The following CSNK1G1 variants were observed in gnomAD, a reference collection of about 807,000 sequenced individuals.
The protein encoded by CSNK1G1 is casein kinase I isoform gamma-1.
CSNK1G1 carries 22 observed loss-of-function variants against 59.6 expected under a neutral mutation model. The ratio of observed to expected loss-of-function variants is 0.37; its 90% confidence interval spans 0.26 to 0.53. CSNK1G1 has a LOEUF of 0.53. Ranked by LOEUF, CSNK1G1 falls within the 20% of genes least tolerant of loss-of-function variation. CSNK1G1 has a pLI of 0.89. For missense variants in CSNK1G1, 384 were observed against 519.5 expected, an observed-to-expected ratio of 0.74 and a Z score of 2.54; for synonymous variants, 179 against 177.1, an observed-to-expected ratio of 1.01 and a Z score of -0.08.
intron 4 of CSNK1G1, among the ~76,000 whole-genome samples, chr15:64,247,609 T>C (rs1010268007): frequency 2.0e-5 from 3 of 152,086 alleles, no homozygotes; most frequent in African/African-American, 7.2e-5. Context: ...GCAGAGACAA[T>C]GTGGAAGACC....
intron 1 of CSNK1G1, among the ~76,000 whole-genome samples, chr15:64,339,651 T>A (rs1174115677): frequency 6.6e-6 from 1 of 152,158 alleles, no homozygotes. Context: ...CAATACATGC[T>A]AACATTTTAG....
intron 7 of CSNK1G1, among the ~76,000 whole-genome samples, chr15:64,206,337 G>T (rs2082179968): frequency 6.6e-6 from 1 of 152,162 alleles, no homozygotes; most frequent in African/African-American, 2.4e-5. Context: ...CTACTCAGGA[G>T]GCTGAGGCAG....
intron 10 of CSNK1G1, among the ~76,000 whole-genome samples, chr15:64,183,744 T>TC: frequency 6.6e-6 from 1 of 151,924 alleles, no homozygotes; most frequent in East Asian, 1.9e-4. Context: ...TTTTCTTTTT[T>TC]TTTTTTTTGG....
intron 2 of CSNK1G1, among the ~76,000 whole-genome samples, chr15:64,276,868 A>C (rs916678329): frequency 6.6e-6 from 1 of 150,930 alleles, no homozygotes; most frequent in East Asian, 1.9e-4. Flanking sequence ...AATGGTGTGA[A>C]CCCGGGAGGC....
At chr15:64,305,893 T>C (rs551813883) in intron 1 of CSNK1G1, among the ~76,000 whole-genome samples, 1 of 152,030 alleles carries the variant, frequency 6.6e-6, no homozygotes, top group South Asian at 2.1e-4. Flanking sequence ...GGAGAAAGGA[T>C]AGTCTTTTTA....
intron 2 of CSNK1G1, among the ~76,000 whole-genome samples, chr15:64,286,473 CA>C (rs536512176): frequency 0.025 from 3,713 of 151,484 alleles, 63 homozygotes; most frequent in Middle Eastern, 0.065. Context: ...GTCCTTTAAT[CA>C]AAAAACACTT....
chr15:64,348,539 T>G (rs1898098789), intron 1 of CSNK1G1, among the ~76,000 whole-genome samples: 1 of 152,150 alleles, frequency 6.6e-6, no homozygotes, highest in Non-Finnish European at 1.5e-5. Flanking sequence ...ATATTGCCAC[T>G]GTAGACTACA....
intron 4 of CSNK1G1, among the ~76,000 whole-genome samples, chr15:64,238,666 G>A (rs2082653159): frequency 6.6e-6 from 1 of 151,290 alleles, no homozygotes; most frequent in Non-Finnish European, 1.5e-5. Flanking sequence ...CTATTAGACT[G>A]AGCCCTACTG....
chr15:64,257,066 T>G (rs796633078), intron 3 of CSNK1G1, among the ~76,000 whole-genome samples: 10 of 152,012 alleles, frequency 6.6e-5, no homozygotes, highest in African/African-American at 2.4e-4. Flanking sequence ...AATGAAAGCC[T>G]GTAGACAAAA....
At chr15:64,321,853 A>G (rs891945777) in intron 1 of CSNK1G1, among the ~76,000 whole-genome samples, 6 of 152,220 alleles carry the variant, frequency 3.9e-5, no homozygotes, top group Non-Finnish European at 7.3e-5. Flanking sequence ...GGAGGGAGTT[A>G]CAGTTATGAT....
At chr15:64,185,004 T>A (rs1370510746) in intron 10 of CSNK1G1, among the ~76,000 whole-genome samples, 2 of 152,248 alleles carry the variant, frequency 1.3e-5, no homozygotes, top group African/African-American at 4.8e-5. Flanking sequence ...TCCTGAACAT[T>A]TCTAAAAGCT....
intron 4 of CSNK1G1, among the ~76,000 whole-genome samples, chr15:64,240,425 A>G (rs1306368431): frequency 1.3e-5 from 2 of 152,222 alleles, no homozygotes; most frequent in African/African-American, 2.4e-5. Context: ...AGATATGAAC[A>G]TCCAGGTCCA....
At chr15:64,255,021 C>T (rs947870433) in intron 3 of CSNK1G1, among the ~76,000 whole-genome samples, 2 of 152,142 alleles carry the variant, frequency 1.3e-5, no homozygotes, top group Admixed American at 6.6e-5. Context: ...TCCAGTTTTT[C>T]TGGCATCATT....
At chr15:64,218,514 T>A (rs2082341825) in intron 4 of CSNK1G1, among the ~76,000 whole-genome samples, 1 of 151,870 alleles carries the variant, frequency 6.6e-6, no homozygotes, top group African/African-American at 2.4e-5. Flanking sequence ...CGCCTCAGCC[T>A]CCCAAGTAGC....
At chr15:64,334,998 A>G (rs1350637617) in intron 1 of CSNK1G1, among the ~76,000 whole-genome samples, 2 of 152,178 alleles carry the variant, frequency 1.3e-5, no homozygotes, top group African/African-American at 4.8e-5. Flanking sequence ...GGTTTCCCTA[A>G]TAACTCCAGA....
Position 64,323,453 on chromosome 15 carries a change from C to T in CSNK1G1, c.-224-22730G>A, listed in dbSNP as rs191973803. Among the ~76,000 whole-genome samples, 9 of 152,028 alleles carry T rather than the reference C, an allele frequency of 5.9e-5. No individual in the cohort carries two copies. In the East Asian group the frequency reaches 1.5e-3, roughly 26 times the overall value. ...CAATCTCGGCTCACTGCAACCTCTG[C>T]CTCCTGGGTACAAGCGATTCTCCTG... On this transcript the variant is annotated intron_variant, in intron 1 of 11. Coordinates refer to ENST00000303052, the MANE Select transcript of CSNK1G1 (RefSeq NM_022048.5).
intron 3 of CSNK1G1, among the ~76,000 whole-genome samples, chr15:64,256,207 A>G (rs1298818252): frequency 6.6e-6 from 1 of 152,254 alleles, no homozygotes; most frequent in Non-Finnish European, 1.5e-5. Context: ...TCAAAACACT[A>G]GAAAAGGGAC....
At chr15:64,275,391 A>C (rs191263958) in intron 2 of CSNK1G1, among the ~76,000 whole-genome samples, 1 of 152,190 alleles carries the variant, frequency 6.6e-6, no homozygotes, top group Admixed American at 6.5e-5. Flanking sequence ...AACGATAGCA[A>C]TACAACTCTA....
At chr15:64,221,643 T>G (rs774503951) in intron 4 of CSNK1G1, among the ~76,000 whole-genome samples, 3 of 151,700 alleles carry the variant, frequency 2.0e-5, no homozygotes, top group African/African-American at 4.8e-5. Context: ...TAGTATTTGC[T>G]TCTGCTTTCA....
Sources: gnomAD v4.1 joint callset for allele counts (sites outside exome capture counted in the v4.1 genomes callset) on GRCh38, gnomAD v4.1.1 for gene constraint, MANE v1.5 for transcripts, NCBI Gene and HGNC (gene_info 2026-07-23, HGNC 2026-07-21) for gene names.